The following PHIP variants were observed in gnomAD, a reference collection of about 807,000 sequenced individuals.
PHIP encodes the protein PH-interacting protein.
PHIP carries 54 observed loss-of-function variants against 236.8 expected under a neutral mutation model. The observed-to-expected ratio is 0.23, with a 90% CI of 0.18 to 0.29. PHIP has a LOEUF of 0.29. Among genes scored for constraint, PHIP ranks in the 10% least tolerant of loss-of-function variants. The pLI is 1.00. For missense variants in PHIP, 1,370 were observed against 2,190.8 expected, an observed-to-expected ratio of 0.63 and a Z score of 7.48; for synonymous variants, 756 against 718.9, an observed-to-expected ratio of 1.05 and a Z score of -0.83.
At chr6:79,070,919 T>A (rs936874372) in intron 4 of PHIP, among the ~76,000 whole-genome samples, 1 of 152,216 alleles carries the variant, frequency 6.6e-6, no homozygotes, top group Non-Finnish European at 1.5e-5. Flanking sequence ...CACCCGCAGA[T>A]AAGGAAGGCC....
At chr6:79,027,218 CCAAA>C (rs1771450651) in intron 7 of PHIP, among the ~76,000 whole-genome samples, 1 of 152,074 alleles carries the variant, frequency 6.6e-6, no homozygotes, top group Non-Finnish European at 1.5e-5. Flanking sequence ...ATTAATGTTT[CCAAA>C]CAGAGTATGT....
At chr6:78,973,344 A>C (rs1418817781) in intron 24 of PHIP, among the ~76,000 whole-genome samples, 2 of 150,572 alleles carry the variant, frequency 1.3e-5, no homozygotes, top group African/African-American at 4.9e-5. Context: ...TTTTGTCACC[A>C]CCAGGCCTGC....
At chr6:78,954,268 A>ATTTT (rs66960387) in intron 35 of PHIP, among the ~76,000 whole-genome samples, 4 of 147,048 alleles carry the variant, frequency 2.7e-5, no homozygotes, top group African/African-American at 7.5e-5. Flanking sequence ...CGCCTGGCTA[A>ATTTT]TTTTTTTTTT....
chr6:78,955,681 C>T lies in PHIP; in HGVS notation c.3784G>A (p.Asp1262Asn). 1 of 978,048 alleles carries T rather than the reference C, an allele frequency of 1.0e-6. No homozygotes were observed. Among genetic ancestry groups the T allele is most frequent in the East Asian group, 2.5e-5 (1 of 40,208 alleles). 60.6% of individuals were successfully genotyped at this position (978,048 alleles called of 1,614,324 possible). A position where few individuals can be genotyped will look rare whatever the true frequency, so the allele number is the denominator to read the frequency against. Residue 1262 changes from aspartate (D) to asparagine (N), a missense_variant and splice_region_variant, in exon 33 of 40, where the codon GAT becomes AAT. This residue lies in a region of PHIP where 38 missense variants were observed against 27.6 expected (regional missense o/e 1.38). Coordinates refer to ENST00000275034, the MANE Select transcript of PHIP (RefSeq NM_017934.7). ...VTDLLLHFIK[D>N]QTCYNIIPLY... is the part of the protein sequence containing the mutation. ...GGAATTATGTTATAACAAGTCTGAT[C>T]CCTACATAACAAGGAAATGTTAACA...
intron 30 of PHIP, among the ~76,000 whole-genome samples, chr6:78,962,372 A>G (rs1766840521): frequency 6.6e-6 from 1 of 152,164 alleles, no homozygotes; most frequent in South Asian, 2.1e-4. Flanking sequence ...TCATTCGCAT[A>G]TAATACTTAA....
At position 78,947,703 on chromosome 6, in the gene PHIP, CAT is replaced by C; in HGVS notation, c.4124_4125del (p.Tyr1375Ter). On this transcript the variant is annotated frameshift_variant, in exon 36 of 40. Coordinates refer to ENST00000275034, the MANE Select transcript of PHIP (RefSeq NM_017934.7). LOFTEE classifies it high-confidence loss of function. ...TVRETLEAGNYESPMELCKDV... is the reference protein window; with the variant it reads ...TVRETLEAGNXESPMELCKDV... ...TCTTTACATAACTCCATTGGTGACT[CAT>C]AATTCCCAGCCTCTAAAGTTTCTCT... 1 of 1,575,642 alleles carries C rather than the reference CAT, an allele frequency of 6.3e-7. No individual in the cohort carries two copies. Among genetic ancestry groups the C allele is most frequent in the Non-Finnish European group, 8.7e-7 (1 of 1,145,210 alleles).
chr6:79,070,151 A>C (rs1225064606), intron 4 of PHIP, among the ~76,000 whole-genome samples: 3 of 152,204 alleles, frequency 2.0e-5, no homozygotes, highest in African/African-American at 7.2e-5. Flanking sequence ...GACAACATTT[A>C]ACTGCTTAAA....
chr6:78,941,618 A>T (rs2127678203), intron 39 of PHIP, among the ~76,000 whole-genome samples: 1 of 152,298 alleles, frequency 6.6e-6, no homozygotes, highest in South Asian at 2.1e-4. Flanking sequence ...TGGGATGACT[A>T]AAGGTTTCTT....
At chr6:78,949,214 CTTCAGA>C (rs1164229033) in intron 35 of PHIP, among the ~76,000 whole-genome samples, 6 of 152,122 alleles carry the variant, frequency 3.9e-5, no homozygotes, top group Non-Finnish European at 8.8e-5. Flanking sequence ...TGTCTCACTT[CTTCAGA>C]TTCTGCATTT....
intron 31 of PHIP, among the ~76,000 whole-genome samples, chr6:78,960,569 C>T (rs981873402): frequency 2.2e-4 from 34 of 151,806 alleles, no homozygotes; most frequent in African/African-American, 7.0e-4. Flanking sequence ...CTTATCTCTA[C>T]GCTTTTTGAC....
chr6:79,009,598 C>T (rs1770469427), intron 15 of PHIP, among the ~76,000 whole-genome samples: 1 of 152,036 alleles, frequency 6.6e-6, no homozygotes. Context: ...CTTATTCTCC[C>T]TTGTGGTCCT....
chr6:78,957,407 A>T (rs536177180), intron 32 of PHIP: 1 of 152,082 alleles, frequency 6.6e-6, no homozygotes, highest in South Asian at 2.1e-4. Context: ...ACCATTGGAA[A>T]GCAATAGATT....
At chr6:78,988,730 A>G (rs1452753254) in intron 20 of PHIP, among the ~76,000 whole-genome samples, 2 of 149,948 alleles carry the variant, frequency 1.3e-5, no homozygotes, top group East Asian at 3.9e-4. Flanking sequence ...AGTTACAAAA[A>G]TGCTGTTTTT....
intron 19 of PHIP, among the ~76,000 whole-genome samples, chr6:78,991,851 T>G (rs1769268910): frequency 1.3e-5 from 2 of 149,164 alleles, no homozygotes; most frequent in South Asian, 4.2e-4. Context: ...TTTTTGTTCT[T>G]AATTTTTTTT....
At chr6:78,996,260 C>T (rs1226587750) in intron 19 of PHIP, among the ~76,000 whole-genome samples, 1 of 152,156 alleles carries the variant, frequency 6.6e-6, no homozygotes, top group African/African-American at 2.4e-5. Context: ...CATGTCCTGT[C>T]CCACAAGGGG....
Position 79,019,167 on chromosome 6 carries a change from AC to A in PHIP, c.924-9del. 6.3e-7 allele frequency: 1 copy of A among 1,599,526 alleles called. No homozygotes were observed. The highest frequency in any genetic ancestry group is 8.6e-7 in the Non-Finnish European group (1 of 1,167,606). On this transcript the variant is annotated splice_polypyrimidine_tract_variant and intron_variant, in intron 9 of 39. Coordinates refer to ENST00000275034, the MANE Select transcript of PHIP (RefSeq NM_017934.7). The stretch of plus-strand genomic sequence containing the variant: ...AATTTTGCAGGTCTTGGGCTGTAAT[AC>A]AAAAAATAAAGAATTAAAAATATCC...
At chr6:78,973,819 G>A (rs899082541) in intron 24 of PHIP, among the ~76,000 whole-genome samples, 4 of 151,774 alleles carry the variant, frequency 2.6e-5, no homozygotes, top group African/African-American at 9.7e-5. Context: ...TCAACAAGAA[G>A]AGCTAACTAT....
At chr6:79,077,820 A>AGCGCCGGCCCGGCCCGCGCCGC in intron 2 of PHIP, 35 bp downstream of exon 2, 1 of 1,235,756 alleles carries the variant, frequency 8.1e-7, no homozygotes, top group African/African-American at 1.7e-5. Flanking sequence ...GCGAGCGGCG[A>AGCGCCGGCCCGGCCCGCGCCGC]GCGCCGGCCC....
At chr6:78,952,711 ACATTT>A (rs1437579789) in intron 35 of PHIP, among the ~76,000 whole-genome samples, 3 of 152,166 alleles carry the variant, frequency 2.0e-5, no homozygotes, top group Non-Finnish European at 4.4e-5. Context: ...CAGTAATTAT[ACATTT>A]CATTTCCAGG....
Sources: gnomAD v4.1 joint callset for allele counts (sites outside exome capture counted in the v4.1 genomes callset) on GRCh38, gnomAD v4.1.1 for gene constraint, gnomAD v4.1.1 regional missense constraint, MANE v1.5 for transcripts, NCBI Gene and HGNC (gene_info 2026-07-23, HGNC 2026-07-21) for gene names.